CD28: variants seen among roughly 807,000 people sequenced by gnomAD.
CD28 encodes CD28 molecule.
In CD28, 8 loss-of-function variants were observed where a neutral mutation model predicts 21.4. The ratio of observed to expected loss-of-function variants is 0.37; its 90% CI spans 0.22 to 0.68. The LOEUF (loss-of-function observed/expected upper bound fraction) is 0.68, where lower values mean the gene tolerates loss of function less well. Ranked by LOEUF, CD28 falls within the 30% of genes least tolerant of loss-of-function variation. The probability of loss-of-function intolerance (pLI) is 0.55; values close to 1 mark genes in which losing one functional copy is unlikely to be tolerated. For synonymous variants in CD28, 106 were observed against 104.0 expected (o/e 1.02, Z -0.12); for missense variants, 239 against 272.2 (o/e 0.88, Z 0.86).
chr2:203,735,444 G>A lies in CD28; in HGVS notation c.*532G>A, dbSNP rs200098499. 2 of 153,638 alleles carry A rather than the reference G, an allele frequency of 1.3e-5. No individual in the cohort carries two copies. The highest frequency in any genetic ancestry group is 2.9e-5 in the Non-Finnish European group (2 of 68,832). The allele number at this position is 153,638 out of a possible 1,614,324, so 9.5% of individuals were successfully genotyped here. A position where few individuals can be genotyped will look rare whatever the true frequency, so the allele number is the denominator to read the frequency against. On this transcript the variant is annotated 3_prime_UTR_variant, in exon 4 of 4. Transcript: ENST00000324106. Reference sequence around the variant, plus strand: ...GTCTCCCACTCATGAAATGAGCCACGTAGTTCCTATTTAATGCTGTTTTCC... The same window carrying A: ...GTCTCCCACTCATGAAATGAGCCACATAGTTCCTATTTAATGCTGTTTTCC...
At chr2:203,720,614 T>C (rs1309125489) in intron 1 of CD28, among the ~76,000 whole-genome samples, 1 of 152,234 alleles carries the variant, frequency 6.6e-6, no homozygotes, top group Non-Finnish European at 1.5e-5. Flanking sequence ...TCTAGATATG[T>C]CCTTACATTT....
chr2:203,723,161 G>A (rs1693649161), intron 1 of CD28, among the ~76,000 whole-genome samples: 2 of 152,238 alleles, frequency 1.3e-5, no homozygotes, highest in South Asian at 2.1e-4. Context: ...GAATCAAGTG[G>A]GGGAACTTTT....
chr2:203,723,840 C>T (rs1693672605), intron 1 of CD28, among the ~76,000 whole-genome samples: 1 of 152,136 alleles, frequency 6.6e-6, no homozygotes, highest in Admixed American at 6.5e-5. Flanking sequence ...GACGATTCCT[C>T]AAAAAGTTAA....
intron 3 of CD28, among the ~76,000 whole-genome samples, chr2:203,730,250 A>G (rs1693852329): frequency 6.6e-6 from 1 of 152,284 alleles, no homozygotes; most frequent in Middle Eastern, 3.4e-3. Flanking sequence ...TATCTGAGTC[A>G]TATTTTTTTT....
At position 203,734,807 on chromosome 2, in the gene CD28, C is replaced by T; in HGVS notation, c.558C>T (p.Leu186=). 6.2e-7 allele frequency: 1 copy of T among 1,614,230 alleles called. No homozygotes were observed. The highest frequency in any genetic ancestry group is 8.5e-7 in the Non-Finnish European group (1 of 1,180,042). Residue 186 remains leucine (L), a synonymous_variant, in exon 4 of 4, where the codon CTC becomes CTT. Transcript: ENST00000324106. The part of the protein sequence containing the change: ...IFWVRSKRSR[L]LHSDYMNMTP... ...AGGTGAGGAGTAAGAGGAGCAGGCT[C>T]CTGCACAGTGACTACATGAACATGA...
At chr2:203,719,625 C>T (rs185241305) in intron 1 of CD28, among the ~76,000 whole-genome samples, 21 of 152,190 alleles carry the variant, frequency 1.4e-4, no homozygotes, top group Non-Finnish European at 2.8e-4. Context: ...CCTTGGACAA[C>T]TCATCTACCT....
rs573915560 is a variant in CD28, at chr2:203,720,352, TC to T, written c.53-6280del. Among the ~76,000 whole-genome samples the T allele has an allele frequency of 2.0e-5, 3 of 152,322 alleles. No individual in the cohort carries two copies. In the South Asian group the frequency reaches 6.2e-4, roughly 32 times the overall value. On this transcript the variant is annotated intron_variant, in intron 1 of 3. Coordinates refer to ENST00000324106, the MANE Select transcript of CD28 (RefSeq NM_006139.4). ...GTTAGAGAAATGTCAGTCAGACCAATCTTTTGATAACGTAAGCAAAGAAAAT... is the reference window on the plus strand; with the variant it reads ...GTTAGAGAAATGTCAGTCAGACCAATTTTTGATAACGTAAGCAAAGAAAAT...
At chr2:203,708,220 C>T (rs1222466085) in intron 1 of CD28, among the ~76,000 whole-genome samples, 1 of 152,128 alleles carries the variant, frequency 6.6e-6, no homozygotes, top group Non-Finnish European at 1.5e-5. Context: ...ATTTTATGGT[C>T]TGACGTACCA....
In CD28 at chr2:203,737,971, G is replaced by T. The variant is rs1213557103; in HGVS notation, c.*3059G>T. 5 of 152,182 alleles carry T rather than the reference G, an allele frequency of 3.3e-5. No individual in the cohort carries two copies. The highest frequency in any genetic ancestry group is 1.5e-5 in the Non-Finnish European group (1 of 68,024). The allele number at this position is 152,182 out of a possible 1,614,324, so 9.4% of individuals were successfully genotyped here. On this transcript the variant is annotated 3_prime_UTR_variant, in exon 4 of 4. Transcript: ENST00000324106. ...TAAAAGAGGTGTGGGGTAAATCCTT[G>T]TATAAATCTCCAGTTTAGCCTTTTT...
intron 1 of CD28, among the ~76,000 whole-genome samples, chr2:203,708,913 A>T (rs1693235061): frequency 6.6e-6 from 1 of 152,170 alleles, no homozygotes; most frequent in South Asian, 2.1e-4. Flanking sequence ...TGAGGTCAGG[A>T]GTTGGAGACC....
chr2:203,715,267 A>G (rs985757960), intron 1 of CD28, among the ~76,000 whole-genome samples: 2 of 152,202 alleles, frequency 1.3e-5, no homozygotes, highest in African/African-American at 4.8e-5. Flanking sequence ...ACAGAAAGCT[A>G]TAATTCCCTG....
At position 203,735,202 on chromosome 2, in the gene CD28, G is replaced by A. The variant is rs954955573; in HGVS notation, c.*290G>A. On this transcript the variant is annotated 3_prime_UTR_variant, in exon 4 of 4. Coordinates refer to ENST00000324106, the MANE Select transcript of CD28 (RefSeq NM_006139.4). Reference sequence around the variant, plus strand: ...GAGAAGTTAGGGTAGAAAACAAAAAGGGAGTGGATTCTGGGAGCCTCTTCC... The same window carrying A: ...GAGAAGTTAGGGTAGAAAACAAAAAAGGAGTGGATTCTGGGAGCCTCTTCC... 3.8e-5 allele frequency: 14 copies of A among 368,350 alleles called. No homozygotes were observed. The highest frequency in any genetic ancestry group is 2.7e-4 in the African/African-American group (13 of 47,380). 22.8% of individuals were successfully genotyped at this position (368,350 alleles called of 1,614,324 possible).
chr2:203,732,400 A>G (rs530991495), intron 3 of CD28, among the ~76,000 whole-genome samples: 1 of 152,174 alleles, frequency 6.6e-6, no homozygotes, highest in South Asian at 2.1e-4. Flanking sequence ...TGTGCTGGTA[A>G]AGCTGCCCGT....
intron 2 of CD28, among the ~76,000 whole-genome samples, chr2:203,728,654 T>A (rs1258392236): frequency 6.6e-6 from 1 of 152,218 alleles, no homozygotes; most frequent in East Asian, 1.9e-4. Context: ...ATTTCTAATA[T>A]CTGTAATATC....
In CD28 at chr2:203,737,345, G is replaced by A. The variant is rs1162780942; in HGVS notation, c.*2433G>A. ...CTTGCCAGCTTCTTGGGCACACAGA[G>A]TTCTTCAATCCAAGTTATCAGATTG... On this transcript the variant is annotated 3_prime_UTR_variant, in exon 4 of 4. Transcript: ENST00000324106. The A allele has an allele frequency of 6.6e-6, 1 of 152,186 alleles. No individual in the cohort carries two copies. Among genetic ancestry groups the A allele is most frequent in the Non-Finnish European group, 1.5e-5 (1 of 68,038 alleles). 9.4% of individuals were successfully genotyped at this position (152,186 alleles called of 1,614,324 possible).
intron 2 of CD28, 33 bp from the exon 3 acceptor site, chr2:203,729,615 G>C (rs766679663): frequency 1.9e-6 from 3 of 1,601,480 alleles, no homozygotes; most frequent in Non-Finnish European, 2.6e-6. Flanking sequence ...TGCTATTCCT[G>C]TATCATTTAA....
chr2:203,709,829 A>T (rs1033864050), intron 1 of CD28, among the ~76,000 whole-genome samples: 1 of 152,214 alleles, frequency 6.6e-6, no homozygotes, highest in African/African-American at 2.4e-5. Context: ...TTATTTTTCC[A>T]TGAGATCATT....
intron 1 of CD28, among the ~76,000 whole-genome samples, chr2:203,707,311 C>G (rs3181101): frequency 0.087 from 13,170 of 152,088 alleles, 742 homozygotes; most frequent in Middle Eastern, 0.13. Context: ...ATTATTTAAA[C>G]TCTCCAAACC....
At chr2:203,730,345 T>C (rs1693855851) in intron 3 of CD28, among the ~76,000 whole-genome samples, 1 of 152,232 alleles carries the variant, frequency 6.6e-6, no homozygotes, top group African/African-American at 2.4e-5. Flanking sequence ...TTTTCTGAGC[T>C]CTCACCACTG....
Sources: allele counts gnomAD v4.1 joint callset (sites outside exome capture counted in the v4.1 genomes callset), GRCh38; gene constraint gnomAD v4.1.1; transcripts MANE v1.5; gene names NCBI Gene and HGNC (gene_info 2026-07-23, HGNC 2026-07-21).